The following SLC41A2 variants were observed in gnomAD, a reference collection of about 807,000 sequenced individuals.
SLC41A2 encodes solute carrier family 41 member 2, also known as SLC41A1-like 1.
In SLC41A2, 32 loss-of-function variants were observed where a neutral mutation model predicts 58.3. The observed-to-expected ratio is 0.55, with a 90% CI of 0.41 to 0.74. SLC41A2 has a LOEUF of 0.74. Among genes scored for constraint, SLC41A2 ranks in the 30% least tolerant of loss-of-function variants. The pLI is 0.00. For missense variants in SLC41A2, 514 were observed against 680.6 expected (o/e 0.76, Z 2.72); for synonymous variants, 190 against 235.0 (o/e 0.81, Z 1.75).
chr12:104,859,528 G>A (rs2043132130), intron 8 of SLC41A2, among the ~76,000 whole-genome samples: 1 of 152,148 alleles, frequency 6.6e-6, no homozygotes, highest in East Asian at 1.9e-4. Flanking sequence ...GAGGATGAAG[G>A]ACCAGGTTGA....
At chr12:104,881,810 G>T (rs537466549) in intron 6 of SLC41A2, among the ~76,000 whole-genome samples, 2 of 152,160 alleles carry the variant, frequency 1.3e-5, no homozygotes, top group African/African-American at 2.4e-5. Flanking sequence ...GGGTGGAGAG[G>T]TCTGTAGATG....
chr12:104,873,396 A>G (rs2043885214), intron 6 of SLC41A2, among the ~76,000 whole-genome samples: 1 of 152,174 alleles, frequency 6.6e-6, no homozygotes, highest in African/African-American at 2.4e-5. Flanking sequence ...ATTACATTGT[A>G]TATATACTAC....
At chr12:104,848,841 T>C (rs1197626664) in intron 8 of SLC41A2, among the ~76,000 whole-genome samples, 1 of 151,992 alleles carries the variant, frequency 6.6e-6, no homozygotes, top group African/African-American at 2.4e-5. Context: ...TTTATATTTA[T>C]CATTAAAAAC....
chr12:104,883,619 G>T (rs535653401), intron 6 of SLC41A2, among the ~76,000 whole-genome samples: 8 of 152,346 alleles, frequency 5.3e-5, no homozygotes, highest in African/African-American at 1.2e-4. Flanking sequence ...GTCCACTCCA[G>T]ACCCTGTTTT....
chr12:104,848,898 A>ACG (rs748757927), intron 8 of SLC41A2, among the ~76,000 whole-genome samples: 2 of 141,264 alleles, frequency 1.4e-5, no homozygotes, highest in African/African-American at 5.0e-5. Flanking sequence ...CTTGATAACC[A>ACG]CACACACACA....
At chr12:104,922,001 A>T (rs1244694321) in intron 2 of SLC41A2, among the ~76,000 whole-genome samples, 1 of 152,162 alleles carries the variant, frequency 6.6e-6, no homozygotes, top group African/African-American at 2.4e-5. Flanking sequence ...CCTTATGGTA[A>T]CCACAGTGTA....
At chr12:104,843,197 A>G (rs2042477164) in intron 10 of SLC41A2, among the ~76,000 whole-genome samples, 1 of 151,986 alleles carries the variant, frequency 6.6e-6, no homozygotes, top group Non-Finnish European at 1.5e-5. Context: ...ATAGTACATT[A>G]TAATTATTTT....
intron 8 of SLC41A2, among the ~76,000 whole-genome samples, chr12:104,856,451 TGA>T (rs1015751456): frequency 6.6e-6 from 1 of 151,994 alleles, no homozygotes; most frequent in African/African-American, 2.4e-5. Context: ...TATAATGAGT[TGA>T]AAAAATACAG....
At chr12:104,876,007 T>C (rs1047416951) in intron 6 of SLC41A2, among the ~76,000 whole-genome samples, 4 of 152,210 alleles carry the variant, frequency 2.6e-5, no homozygotes, top group Non-Finnish European at 5.9e-5. Flanking sequence ...TTGTTCCTCA[T>C]TCAATTCTGG....
chr12:104,824,056 G>A (rs565029915), intron 10 of SLC41A2, among the ~76,000 whole-genome samples: 14 of 152,182 alleles, frequency 9.2e-5, no homozygotes, highest in East Asian at 1.9e-4. Flanking sequence ...TAAATGATAC[G>A]GAAGAGGTGA....
At chr12:104,889,962 G>A (rs979300079) in intron 4 of SLC41A2, among the ~76,000 whole-genome samples, 1 of 152,102 alleles carries the variant, frequency 6.6e-6, no homozygotes, top group African/African-American at 2.4e-5. Flanking sequence ...CAGATTAATA[G>A]GATGTCAGAA....
chr12:104,808,662 C>T (rs1288640014), intron 10 of SLC41A2, among the ~76,000 whole-genome samples: 6 of 152,072 alleles, frequency 3.9e-5, no homozygotes, highest in Admixed American at 3.9e-4. Context: ...CTCCTTGTAC[C>T]TCTGGTGGAA....
chr12:104,937,120 T>C lies in SLC41A2; in HGVS notation c.-167-8426A>G, dbSNP rs1218449714. On this transcript the variant is annotated intron_variant, in intron 1 of 10. Transcript: ENST00000258538. ...AAGACCCTGCCTCTAAACAATTTTT[T>C]AAATTAAAATTGAAACAATGAAAAA... Among the ~76,000 whole-genome samples the C allele has an allele frequency of 2.0e-5, 3 of 152,218 alleles. No individual in the cohort carries two copies. The East Asian group carries it at 5.8e-4, about 29-fold the overall frequency.
At chr12:104,813,690 C>T (rs990981233) in intron 10 of SLC41A2, among the ~76,000 whole-genome samples, 2 of 152,100 alleles carry the variant, frequency 1.3e-5, no homozygotes, top group African/African-American at 4.8e-5. Context: ...GGCTAGAGTA[C>T]CGTGGCATAA....
At chr12:104,954,963 T>C (rs1163564641) in intron 1 of SLC41A2, among the ~76,000 whole-genome samples, 2 of 149,730 alleles carry the variant, frequency 1.3e-5, no homozygotes, top group Non-Finnish European at 3.0e-5. Context: ...TGCAGTTTTA[T>C]CAAAGAACCT....
chr12:104,828,343 T>C (rs2041922325), intron 10 of SLC41A2, among the ~76,000 whole-genome samples: 1 of 152,168 alleles, frequency 6.6e-6, no homozygotes, highest in Non-Finnish European at 1.5e-5. Context: ...CAATAAAACC[T>C]TGCACTCATT....
At chr12:104,938,717 G>T (rs184583719) in intron 1 of SLC41A2, among the ~76,000 whole-genome samples, 6 of 152,288 alleles carry the variant, frequency 3.9e-5, no homozygotes, top group African/African-American at 1.4e-4. Context: ...ATAAAGCTTT[G>T]TCCCAGAAAG....
At chr12:104,851,386 T>C (rs553697679) in intron 8 of SLC41A2, among the ~76,000 whole-genome samples, 1 of 152,054 alleles carries the variant, frequency 6.6e-6, no homozygotes, top group African/African-American at 2.4e-5. Flanking sequence ...TATTTATTCA[T>C]TTATTTTTAT....
chr12:104,892,245 G>A (rs1353568466), intron 4 of SLC41A2, among the ~76,000 whole-genome samples: 3 of 150,298 alleles, frequency 2.0e-5, no homozygotes, highest in African/African-American at 5.0e-5. Flanking sequence ...CCGAGATCAC[G>A]CCATTGCACT....
Sources: gnomAD v4.1 joint callset for allele counts (sites outside exome capture counted in the v4.1 genomes callset) on GRCh38, gnomAD v4.1.1 for gene constraint, MANE v1.5 for transcripts, NCBI Gene and HGNC (gene_info 2026-07-23, HGNC 2026-07-21) for gene names.